Variants in B4GALNT2 observed in about 807,000 individuals in gnomAD.
B4GALNT2 encodes beta-1,4-N-acetyl-galactosaminyltransferase 2 (SID blood group).
B4GALNT2 carries 42 observed loss-of-function variants against 51.1 expected under a neutral mutation model. The observed-to-expected ratio is 0.82, with a 90% confidence interval of 0.64 to 1.06. The LOEUF (loss-of-function observed/expected upper bound fraction) is 1.06, where lower values mean the gene tolerates loss of function less well. B4GALNT2 is among the 50% of genes least tolerant of loss of function. B4GALNT2 has a pLI of 0.00. For synonymous variants in B4GALNT2, 253 were observed against 251.7 expected (o/e 1.01, Z -0.05); for missense variants, 602 against 633.6 (o/e 0.95, Z 0.54).
chr17:49,132,877 T>G (rs1278375733), intron 1 of B4GALNT2, 71 bp downstream of exon 1: 1 of 1,374,440 alleles, frequency 7.3e-7, no homozygotes, highest in Non-Finnish European at 9.4e-7. Flanking sequence ...GGGTCCTTTC[T>G]GGCGTCTGCA....
At position 49,174,982 on chromosome 17, in the gene B4GALNT2, T is replaced by C. The variant is rs1418422479; in HGVS notation, c.*5254T>C. 6.6e-6 allele frequency: 1 copy of C among 152,188 alleles called. No homozygotes were observed. Among genetic ancestry groups the C allele is most frequent in the African/African-American group, 2.4e-5 (1 of 41,454 alleles). 9.4% of individuals were successfully genotyped at this position (152,188 alleles called of 1,614,324 possible). On this transcript the variant is annotated 3_prime_UTR_variant, in exon 11 of 11. Transcript: ENST00000393354. ...GCTATCCATTGTTGTAACAAATCTC[T>C]TTCCCATAAATGTATAGGTACAGAA...
At chr17:49,168,526 C>T (rs1009256937) in intron 9 of B4GALNT2, among the ~76,000 whole-genome samples, 155 bp from the exon 10 acceptor site, 5 of 152,168 alleles carry the variant, frequency 3.3e-5, no homozygotes, top group Non-Finnish European at 5.9e-5. Flanking sequence ...ATGGCCACAG[C>T]AGCAACGAGG....
chr17:49,143,260 AAG>A (rs923931781), intron 3 of B4GALNT2, among the ~76,000 whole-genome samples: 6 of 151,192 alleles, frequency 4.0e-5, no homozygotes, highest in Non-Finnish European at 7.4e-5. Flanking sequence ...AAAAAAAGAA[AAG>A]AGAAAAAACA....
chr17:49,161,788 C>T (rs530671366), intron 7 of B4GALNT2, among the ~76,000 whole-genome samples: 7 of 150,226 alleles, frequency 4.7e-5, no homozygotes, highest in East Asian at 2.0e-4. Context: ...ACCCTGAAGG[C>T]GGAGGTTGCA....
At chr17:49,160,429 A>T in intron 6 of B4GALNT2, 126 bp from the exon 7 acceptor site, 5 of 876,358 alleles carry the variant, frequency 5.7e-6, no homozygotes, top group Non-Finnish European at 1.9e-6. Flanking sequence ...GGGGTCCTTG[A>T]TCTCATCCCA....
intron 5 of B4GALNT2, among the ~76,000 whole-genome samples, chr17:49,157,119 C>T (rs1019372254): frequency 1.3e-5 from 2 of 152,156 alleles, no homozygotes; most frequent in Non-Finnish European, 2.9e-5. Flanking sequence ...AGCAGATCGG[C>T]AAGGCCTCCA....
At chr17:49,150,182 C>T (rs1222032575) in intron 3 of B4GALNT2, among the ~76,000 whole-genome samples, 1 of 134,912 alleles carries the variant, frequency 7.4e-6, no homozygotes, top group African/African-American at 2.8e-5. Context: ...CCAGCCGCCC[C>T]GTCCGGGAGG....
In B4GALNT2 at chr17:49,172,175, C is replaced by T. The variant is rs573227745; in HGVS notation, c.*2447C>T. On this transcript the variant is annotated 3_prime_UTR_variant, in exon 11 of 11. Coordinates refer to ENST00000393354, the MANE Select transcript of B4GALNT2 (RefSeq NM_001159387.2). ...CTGTCCCCAGGTAGGTGGCTGTGTT[C>T]GACAGCTGTTGCTCATGATAGTTGG... is the stretch of plus-strand genomic sequence containing the variant. 6 of 270,430 alleles carry T rather than the reference C, an allele frequency of 2.2e-5. No homozygotes were observed. The highest frequency in any genetic ancestry group is 1.5e-4 in the South Asian group (1 of 6,864). 16.8% of individuals were successfully genotyped at this position (270,430 alleles called of 1,614,324 possible). A position where few individuals can be genotyped will look rare whatever the true frequency, so the allele number is the denominator to read the frequency against.
chr17:49,166,443 C>G (rs2042912645), intron 9 of B4GALNT2, among the ~76,000 whole-genome samples, 189 bp downstream of exon 9: 1 of 152,064 alleles, frequency 6.6e-6, no homozygotes, highest in South Asian at 2.1e-4. Context: ...CAGCTCACGC[C>G]TCCATACTGA....
At chr17:49,139,814 C>T (rs1005761465) in intron 1 of B4GALNT2, among the ~76,000 whole-genome samples, 12 of 151,980 alleles carry the variant, frequency 7.9e-5, no homozygotes, top group Middle Eastern at 3.2e-3. Flanking sequence ...CTATGCCCGG[C>T]GAGGTTACAT....
chr17:49,155,796 T>G (rs2042804187), intron 4 of B4GALNT2, among the ~76,000 whole-genome samples: 1 of 151,254 alleles, frequency 6.6e-6, no homozygotes. Flanking sequence ...AGATCTCGGC[T>G]CACTGCAAGC....
chr17:49,138,618 G>A lies in B4GALNT2; in HGVS notation c.15-2629G>A, dbSNP rs117450580. On this transcript the variant is annotated intron_variant, in intron 1 of 10. Transcript: ENST00000393354. ...CTCAGCCAGCCTTGGTGGCTCATGC[G>A]TGTAATCCCATCAGTTTGGGAGGCC... Among the ~76,000 whole-genome samples, 285 of 152,208 alleles carry A rather than the reference G, an allele frequency of 1.9e-3. 5 individuals carry two copies. In the East Asian group the frequency reaches 0.04, roughly 21 times the overall value.
intron 6 of B4GALNT2, 40 bp downstream of exon 6, chr17:49,159,257 C>T (rs2042840398): frequency 6.3e-7 from 1 of 1,586,746 alleles, no homozygotes; most frequent in African/African-American, 1.3e-5. Flanking sequence ...CTTAGGGATC[C>T]AGAAGATACC....
At position 49,164,085 on chromosome 17, in the gene B4GALNT2, C is replaced by T; in HGVS notation, c.767-3C>T. 6.2e-7 allele frequency: 1 copy of T among 1,613,464 alleles called. No individual in the cohort carries two copies. Among genetic ancestry groups the T allele is most frequent in the Non-Finnish European group, 8.5e-7 (1 of 1,179,558 alleles). ...GCTCTGACACCCACTGTTTTCTGCC[C>T]AGAGAGGAAGCTCAGAAACCTGGTT... On this transcript the variant is annotated splice_region_variant and splice_polypyrimidine_tract_variant and intron_variant, in intron 7 of 10. Coordinates refer to ENST00000393354, the MANE Select transcript of B4GALNT2 (RefSeq NM_001159387.2).
At chr17:49,149,786 G>A (rs1293795295) in intron 3 of B4GALNT2, among the ~76,000 whole-genome samples, 2 of 152,196 alleles carry the variant, frequency 1.3e-5, no homozygotes, top group Non-Finnish European at 2.9e-5. Flanking sequence ...ATCCCAGGGT[G>A]TGCCTTTTTT....
chr17:49,165,166 C>T (rs577342133), intron 8 of B4GALNT2, among the ~76,000 whole-genome samples: 77 of 152,172 alleles, frequency 5.1e-4, no homozygotes, highest in Non-Finnish European at 9.4e-4. Flanking sequence ...TTATAAGCGA[C>T]TTGAGGTCTC....
chr17:49,137,064 C>CTT (rs35988405), intron 1 of B4GALNT2, among the ~76,000 whole-genome samples: 1 of 149,362 alleles, frequency 6.7e-6, no homozygotes, highest in Non-Finnish European at 1.5e-5. Flanking sequence ...CAGAAACCCA[C>CTT]TTTTTTTTTT....
intron 3 of B4GALNT2, among the ~76,000 whole-genome samples, chr17:49,144,780 G>C (rs1021725223): frequency 6.6e-6 from 1 of 152,154 alleles, no homozygotes; most frequent in Non-Finnish European, 1.5e-5. Flanking sequence ...GGGGGAGAGA[G>C]AGAGAAAGCG....
Position 49,175,899 on chromosome 17 carries a change from G to A in B4GALNT2, c.*6171G>A, listed in dbSNP as rs2042984346. Reference sequence around the variant, plus strand: ...TAATGAGGGGGTGAAGAAGAGTAGGGACAAACCTCTTCCTCATTTGCCGCT... The same window carrying A: ...TAATGAGGGGGTGAAGAAGAGTAGGAACAAACCTCTTCCTCATTTGCCGCT... On this transcript the variant is annotated 3_prime_UTR_variant, in exon 11 of 11. Transcript: ENST00000393354. The A allele has an allele frequency of 6.6e-6, 1 of 152,172 alleles. No homozygotes were observed. The highest frequency in any genetic ancestry group is 6.5e-5 in the Admixed American group (1 of 15,282). The allele number at this position is 152,172 out of a possible 1,614,324, so 9.4% of individuals were successfully genotyped here.
Sources: allele counts gnomAD v4.1 joint callset (sites outside exome capture counted in the v4.1 genomes callset), GRCh38; gene constraint gnomAD v4.1.1; transcripts MANE v1.5; gene names NCBI Gene and HGNC (gene_info 2026-07-23, HGNC 2026-07-21).